The following SH3D19 variants were observed in gnomAD, a reference collection of about 807,000 sequenced individuals.
SH3D19 encodes SH3 domain containing 19, also known as SH3 domain-containing protein 19.
SH3D19 carries 58 observed loss-of-function variants against 112.1 expected under a neutral mutation model. The ratio of observed to expected loss-of-function variants is 0.52; its 90% CI spans 0.42 to 0.64. SH3D19 has a LOEUF of 0.64. Ranked by LOEUF, SH3D19 falls within the 30% of genes least tolerant of loss-of-function variation. The pLI is 0.00. For synonymous variants in SH3D19, 391 were observed against 448.5 expected, an observed-to-expected ratio of 0.87 and a Z score of 1.62; for missense variants, 1,090 against 1,263.4, an observed-to-expected ratio of 0.86 and a Z score of 2.08.
chr4:151,282,172 T>TG, intron 1 of SH3D19: 1 of 1,613,916 alleles, frequency 6.2e-7, no homozygotes, highest in Non-Finnish European at 8.5e-7. Context: ...TTTCATATAC[T>TG]GTGTGGCTAG....
intron 11 of SH3D19, 108 bp downstream of exon 11, chr4:151,147,814 G>C: frequency 1.4e-6 from 2 of 1,405,354 alleles, no homozygotes; most frequent in Non-Finnish European, 1.9e-6. Context: ...TTGGCGTCAA[G>C]GGACAATTCC....
At chr4:151,237,009 C>T (rs894105995) in intron 1 of SH3D19, among the ~76,000 whole-genome samples, 9 of 152,218 alleles carry the variant, frequency 5.9e-5, no homozygotes, top group East Asian at 1.9e-4. Flanking sequence ...CTGAAGTCCC[C>T]TTCCATACTG....
At chr4:151,236,661 TA>T (rs917197587) in intron 1 of SH3D19, among the ~76,000 whole-genome samples, 2 of 152,018 alleles carry the variant, frequency 1.3e-5, no homozygotes, top group African/African-American at 4.8e-5. Context: ...TAAAGGATTG[TA>T]AATGCACCAA....
chr4:151,243,479 C>T (rs912798288), intron 1 of SH3D19, among the ~76,000 whole-genome samples: 1 of 152,188 alleles, frequency 6.6e-6, no homozygotes, highest in Admixed American at 6.5e-5. Context: ...TGTAAGTGAT[C>T]CCTGTCTCTT....
chr4:151,197,621 T>C (rs1371513382), intron 2 of SH3D19, among the ~76,000 whole-genome samples: 1 of 152,208 alleles, frequency 6.6e-6, no homozygotes, highest in East Asian at 1.9e-4. Flanking sequence ...AATATTCTCC[T>C]GTGAAAAATA....
chr4:151,254,583 A>G (rs1459829320), intron 1 of SH3D19, among the ~76,000 whole-genome samples: 2 of 147,480 alleles, frequency 1.4e-5, no homozygotes, highest in Admixed American at 6.8e-5. Flanking sequence ...ACCGCCCTTA[A>G]TCCATTTAAC....
chr4:151,246,892 G>A (rs185596261), intron 1 of SH3D19, among the ~76,000 whole-genome samples: 23 of 152,016 alleles, frequency 1.5e-4, no homozygotes, highest in African/African-American at 4.8e-4. Flanking sequence ...ATTCCTTTTC[G>A]GCCCCATAGA....
intron 19 of SH3D19, among the ~76,000 whole-genome samples, chr4:151,123,611 A>G (rs1488705700): frequency 6.6e-6 from 1 of 151,996 alleles, no homozygotes; most frequent in Admixed American, 6.6e-5. Flanking sequence ...TTTTTTTCCC[A>G]TCTTAAAGAG....
intron 3 of SH3D19, among the ~76,000 whole-genome samples, chr4:151,185,990 A>C (rs1442385548): frequency 6.6e-6 from 1 of 152,054 alleles, no homozygotes; most frequent in Non-Finnish European, 1.5e-5. Flanking sequence ...CAACGAGACA[A>C]GATCGCGCCA....
At chr4:151,139,934 A>G in intron 12 of SH3D19, 87 bp from the exon 13 acceptor site, 6 of 1,104,446 alleles carry the variant, frequency 5.4e-6, no homozygotes, top group Non-Finnish European at 2.7e-6. Context: ...TTTTTTTCTC[A>G]TTAGAGTCCT....
Position 151,278,079 on chromosome 4 carries a change from C to T in SH3D19, c.112+47162G>A, listed in dbSNP as rs116164074. 5.3e-3 allele frequency among the ~76,000 whole-genome samples: 811 copies of T among 152,190 alleles called. 5 individuals carry two copies. Among genetic ancestry groups the T allele is most frequent in the African/African-American group, 0.019 (789 of 41,550 alleles). ...AAGGGTATGCTGAGAGAGCAAAAAA[C>T]TTAACAGGTAGCAAAGAAGAAAGAT... On this transcript the variant is annotated intron_variant, in intron 1 of 19. Transcript: ENST00000604030.
chr4:151,282,509 T>C, intron 1 of SH3D19: 1 of 1,329,718 alleles, frequency 7.5e-7, no homozygotes, highest in Non-Finnish European at 1.0e-6. Context: ...GGAAAATATT[T>C]TTCAACAAAA....
intron 2 of SH3D19, among the ~76,000 whole-genome samples, chr4:151,193,825 G>A (rs1308720619): frequency 6.6e-6 from 1 of 152,098 alleles, no homozygotes. Context: ...ATGTATAATT[G>A]TGTTCAATGG....
intron 9 of SH3D19, among the ~76,000 whole-genome samples, chr4:151,151,282 CTG>C (rs1447691473): frequency 2.0e-5 from 3 of 152,110 alleles, no homozygotes; most frequent in South Asian, 2.1e-4. Context: ...TCTTCTAATT[CTG>C]TGTTTTTTTG....
intron 2 of SH3D19, among the ~76,000 whole-genome samples, chr4:151,195,641 G>T (rs1163421910): frequency 2.6e-5 from 4 of 151,382 alleles, no homozygotes; most frequent in Admixed American, 2.6e-4. Flanking sequence ...TATCAGAGAG[G>T]TGTTTTTACA....
chr4:151,187,448 T>C lies in SH3D19; in HGVS notation c.168A>G (p.Ser56=), dbSNP rs1429607614. ...ATCTCTTGATTACCGCTCTAATGGATGACAAGGGTCCTTGGCTAGAAAAAG... is the reference window on the plus strand; with the variant it reads ...ATCTCTTGATTACCGCTCTAATGGACGACAAGGGTCCTTGGCTAGAAAAAG... ...EHRSSSQGPL[S]SIRAVIKRSS... The change falls in exon 3 of 20, where the codon TCA becomes TCG. Residue 56 remains serine, a synonymous_variant. Coordinates refer to ENST00000604030, the MANE Select transcript of SH3D19 (RefSeq NM_001378122.1). 4 of 1,229,582 alleles carry C rather than the reference T, an allele frequency of 3.3e-6. No individual in the cohort carries two copies. Among genetic ancestry groups the C allele is most frequent in the African/African-American group, 1.6e-5 (1 of 64,378 alleles). 76.2% of individuals were successfully genotyped at this position (1,229,582 alleles called of 1,614,324 possible). A position where few individuals can be genotyped will look rare whatever the true frequency, so the allele number is the denominator to read the frequency against.
At chr4:151,245,377 T>C (rs1770868880) in intron 1 of SH3D19, among the ~76,000 whole-genome samples, 1 of 152,054 alleles carries the variant, frequency 6.6e-6, no homozygotes, top group African/African-American at 2.4e-5. Flanking sequence ...ACATCAATGC[T>C]TGATTAAGGA....
chr4:151,292,594 C>T (rs1435469041), intron 1 of SH3D19, among the ~76,000 whole-genome samples: 5 of 152,184 alleles, frequency 3.3e-5, no homozygotes, highest in African/African-American at 1.2e-4. Context: ...ATCCTATTCC[C>T]TTCTATACCT....
At chr4:151,280,269 G>C (rs1774088110) in intron 1 of SH3D19, among the ~76,000 whole-genome samples, 1 of 152,202 alleles carries the variant, frequency 6.6e-6, no homozygotes, top group Non-Finnish European at 1.5e-5. Context: ...CCACTGCTGT[G>C]AGAGAAGCAA....
Sources: allele counts gnomAD v4.1 joint callset (sites outside exome capture counted in the v4.1 genomes callset), GRCh38; gene constraint gnomAD v4.1.1; transcripts MANE v1.5; gene names NCBI Gene and HGNC (gene_info 2026-07-23, HGNC 2026-07-21).